C9: variants seen among roughly 807,000 people sequenced by gnomAD.
C9 encodes the protein complement component C9.
In C9, 63 loss-of-function variants were observed where a neutral mutation model predicts 65.4. That is an observed-to-expected ratio of 0.96 (90% CI 0.79 to 1.19). C9 has a LOEUF of 1.19. Among genes scored for constraint, C9 ranks in the 50% most tolerant of loss-of-function variants. The pLI is 0.00. For missense variants in C9, 744 were observed against 670.1 expected, an observed-to-expected ratio of 1.11 and a Z score of -1.22; for synonymous variants, 229 against 227.9, an observed-to-expected ratio of 1.00 and a Z score of -0.04.
At chr5:39,337,473 A>G (rs1458495475) in intron 4 of C9, among the ~76,000 whole-genome samples, 2 of 152,264 alleles carry the variant, frequency 1.3e-5, no homozygotes, top group African/African-American at 2.4e-5. Context: ...GCCAAGAAAC[A>G]TGAACACTTC....
chr5:39,334,570 G>A (rs1420359312), intron 4 of C9, among the ~76,000 whole-genome samples: 1 of 149,398 alleles, frequency 6.7e-6, no homozygotes, highest in African/African-American at 2.6e-5. Context: ...GGGAGGTGGG[G>A]GGGTCAGCCC....
chr5:39,342,906 C>G (rs1370215939), intron 1 of C9, among the ~76,000 whole-genome samples: 1 of 152,140 alleles, frequency 6.6e-6, no homozygotes, highest in African/African-American at 2.4e-5. Context: ...TGAGTCTCTT[C>G]TGGTTGAAAT....
intron 9 of C9, among the ~76,000 whole-genome samples, chr5:39,290,033 A>G (rs1323292647): frequency 1.3e-5 from 2 of 151,922 alleles, no homozygotes; most frequent in Admixed American, 1.3e-4. Flanking sequence ...ACTGAAATCA[A>G]GGAAGTTTGG....
intron 1 of C9, among the ~76,000 whole-genome samples, chr5:39,357,558 T>C (rs200348870): frequency 1.5e-5 from 1 of 66,080 alleles, no homozygotes; most frequent in Non-Finnish European, 4.1e-5. Context: ...GTGGGTGAGA[T>C]ATAATAAGCA....
intron 1 of C9, among the ~76,000 whole-genome samples, chr5:39,344,005 C>T (rs1309580889): frequency 1.3e-5 from 2 of 152,166 alleles, no homozygotes; most frequent in Non-Finnish European, 2.9e-5. Context: ...AGGACATCCA[C>T]ACCAGAACCC....
intron 1 of C9, among the ~76,000 whole-genome samples, chr5:39,346,554 A>G (rs1295300070): frequency 6.6e-6 from 1 of 152,240 alleles, no homozygotes; most frequent in East Asian, 1.9e-4. Context: ...AAAAAAGTCC[A>G]GGACCAGATG....
intron 6 of C9, among the ~76,000 whole-genome samples, chr5:39,314,463 T>C (rs529801862): frequency 6.6e-6 from 1 of 151,696 alleles, no homozygotes; most frequent in East Asian, 1.9e-4. Flanking sequence ...ATAAATAAAT[T>C]AAATTAAATT....
intron 1 of C9, among the ~76,000 whole-genome samples, chr5:39,347,323 G>C (rs56370824): frequency 6.6e-6 from 1 of 152,128 alleles, no homozygotes; most frequent in South Asian, 2.1e-4. Flanking sequence ...CTTCAGCAAA[G>C]TCTCAGGATA....
At chr5:39,326,251 G>A (rs534091635) in intron 5 of C9, among the ~76,000 whole-genome samples, 1 of 152,312 alleles carries the variant, frequency 6.6e-6, no homozygotes, top group Non-Finnish European at 1.5e-5. Context: ...GTGGTAAGTG[G>A]AGGAAGTTAC....
At position 39,331,667 on chromosome 5, in the gene C9, G is replaced by A. The variant is rs761328716; in HGVS notation, c.615+9C>T. Reference sequence around the variant, plus strand: ...GTTGAACAATGTGTTTTCCTCCGAGGAGACTTACTTCATAGATCAAAGAAG... The same window carrying A: ...GTTGAACAATGTGTTTTCCTCCGAGAAGACTTACTTCATAGATCAAAGAAG... On this transcript the variant is annotated intron_variant, in intron 5 of 10. Coordinates refer to ENST00000263408, the MANE Select transcript of C9 (RefSeq NM_001737.5). 16 of 1,613,298 alleles carry A rather than the reference G, an allele frequency of 9.9e-6. No homozygotes were observed. Among genetic ancestry groups the A allele is most frequent in the African/African-American group, 2.7e-5 (2 of 74,868 alleles).
chr5:39,342,973 C>A (rs919353636), intron 1 of C9, among the ~76,000 whole-genome samples: 2 of 152,174 alleles, frequency 1.3e-5, no homozygotes, highest in African/African-American at 4.8e-5. Context: ...AACCACCCAA[C>A]AAGAATCCTA....
chr5:39,347,477 A>T (rs983090717), intron 1 of C9, among the ~76,000 whole-genome samples: 1 of 152,206 alleles, frequency 6.6e-6, no homozygotes, highest in South Asian at 2.1e-4. Flanking sequence ...GATGTGGAGG[A>T]CCTCTTCAAA....
Position 39,285,036 on chromosome 5 carries a change from T to TAA in C9, c.*162_*163insTT. 3.5e-6 allele frequency: 2 copies of TAA among 579,676 alleles called. No individual in the cohort carries two copies. The highest frequency in any genetic ancestry group is 6.2e-6 in the Non-Finnish European group (2 of 322,204). 35.9% of individuals were successfully genotyped at this position (579,676 alleles called of 1,614,324 possible). On this transcript the variant is annotated 3_prime_UTR_variant, in exon 11 of 11. Transcript: ENST00000263408. ...TCACAGGAGTTTAAGGAAGAAAAATTTAAAAAAAAATTATAGACCTAAGAG... is the reference window on the plus strand; with the variant it reads ...TCACAGGAGTTTAAGGAAGAAAAATTAATAAAAAAAAATTATAGACCTAAGAG...
At chr5:39,325,411 G>T (rs1486299391) in intron 5 of C9, among the ~76,000 whole-genome samples, 1 of 152,042 alleles carries the variant, frequency 6.6e-6, no homozygotes, top group Non-Finnish European at 1.5e-5. Context: ...GTGTGCTCTA[G>T]GACTTCAGTC....
chr5:39,306,884 C>A (rs149731465), intron 8 of C9, 92 bp from the exon 9 acceptor site: 1 of 849,676 alleles, frequency 1.2e-6, no homozygotes, highest in East Asian at 2.5e-5. Context: ...TTATTGAGTC[C>A]TTTTAGTAAA....
chr5:39,331,419 G>C (rs1753837629), intron 5 of C9, among the ~76,000 whole-genome samples: 1 of 152,144 alleles, frequency 6.6e-6, no homozygotes, highest in Non-Finnish European at 1.5e-5. Flanking sequence ...TTTTAGTTAT[G>C]TTAGATCCTG....
chr5:39,344,778 T>G (rs1252166869), intron 1 of C9, among the ~76,000 whole-genome samples: 7 of 152,144 alleles, frequency 4.6e-5, no homozygotes, highest in Non-Finnish European at 1.0e-4. Flanking sequence ...GAGAGAAAGG[T>G]CAGCTTACCC....
intron 9 of C9, among the ~76,000 whole-genome samples, chr5:39,293,940 T>C (rs1490239547): frequency 6.6e-6 from 1 of 151,894 alleles, no homozygotes; most frequent in Admixed American, 6.6e-5. Context: ...AATTAAACAA[T>C]ATGCTCCTGA....
At chr5:39,325,795 C>G (rs1042117318) in intron 5 of C9, among the ~76,000 whole-genome samples, 2 of 144,278 alleles carry the variant, frequency 1.4e-5, no homozygotes, top group African/African-American at 5.1e-5. Flanking sequence ...AAAAAAGATG[C>G]AATGATCATG....
Sources: gnomAD v4.1 joint callset for allele counts (sites outside exome capture counted in the v4.1 genomes callset) on GRCh38, gnomAD v4.1.1 for gene constraint, MANE v1.5 for transcripts, NCBI Gene and HGNC (gene_info 2026-07-23, HGNC 2026-07-21) for gene names.